MBD5: variants seen among roughly 807,000 people sequenced by gnomAD.
MBD5 encodes the protein methyl-CpG binding domain protein 5, also known as methyl-CpG-binding domain protein 5.
Under a neutral mutation model 117.3 loss-of-function variants are expected in MBD5, and 13 were observed. The ratio of observed to expected loss-of-function variants is 0.11; its 90% CI spans 0.07 to 0.18. The LOEUF is 0.18. MBD5 is among the 10% of genes least tolerant of loss of function. The pLI, the probability that MBD5 is intolerant of heterozygous loss-of-function variation, is 1.00. For synonymous variants in MBD5, 727 were observed against 766.4 expected (o/e 0.95, Z 0.85); for missense variants, 1,879 against 2,093.8 (o/e 0.90, Z 2.00).
chr2:148,090,092 T>C (rs1367912739), intron 1 of MBD5, among the ~76,000 whole-genome samples: 1 of 151,938 alleles, frequency 6.6e-6, no homozygotes, highest in Non-Finnish European at 1.5e-5. Flanking sequence ...CTGAAGGAGA[T>C]GGATAAATTC....
intron 1 of MBD5, among the ~76,000 whole-genome samples, chr2:148,068,973 TG>T (rs1417863056): frequency 6.6e-6 from 1 of 152,354 alleles, no homozygotes; most frequent in East Asian, 1.9e-4. Context: ...TTTTAATAAT[TG>T]AAAAACACTT....
intron 3 of MBD5, among the ~76,000 whole-genome samples, chr2:148,291,198 C>T (rs1044424999): frequency 6.6e-6 from 1 of 152,132 alleles, no homozygotes; most frequent in Non-Finnish European, 1.5e-5. Flanking sequence ...CTATCAATTT[C>T]CATGTGAATT....
At position 148,069,430 on chromosome 2, in the gene MBD5, GT is replaced by G. The variant is rs909568960; in HGVS notation, c.-925+47755del. ...CAATCCACTATTGTTGGCATTCATA[GT>G]TTTTTTTTAATGATAGGAATCTCTC... On this transcript the variant is annotated intron_variant, in intron 1 of 13. Coordinates refer to ENST00000642680, the MANE Select transcript of MBD5 (RefSeq NM_001378120.1). Among the ~76,000 whole-genome samples the G allele has an allele frequency of 8.7e-5, 13 of 150,088 alleles. No individual in the cohort carries two copies. The East Asian group carries it at 1.2e-3, about 14-fold the overall frequency.
chr2:148,044,041 G>A (rs982450222), intron 1 of MBD5, among the ~76,000 whole-genome samples: 2 of 152,156 alleles, frequency 1.3e-5, no homozygotes, highest in African/African-American at 2.4e-5. Flanking sequence ...TTTAACTTCA[G>A]ATGTACGTAG....
At chr2:148,252,339 A>G (rs1438161220) in intron 3 of MBD5, among the ~76,000 whole-genome samples, 2 of 152,122 alleles carry the variant, frequency 1.3e-5, no homozygotes, top group Admixed American at 6.5e-5. Flanking sequence ...GTGCACCTGT[A>G]GTCCCAGCTA....
Position 148,083,121 on chromosome 2 carries a change from T to C in MBD5, c.-925+61437T>C, listed in dbSNP as rs866867949. Among the ~76,000 whole-genome samples, 4 of 152,338 alleles carry C rather than the reference T, an allele frequency of 2.6e-5. No individual in the cohort carries two copies. In the South Asian group the frequency reaches 8.3e-4, roughly 32 times the overall value. On this transcript the variant is annotated intron_variant, in intron 1 of 13. Transcript: ENST00000642680. ...CCAGTTTTCATCACTAGTAAAAGGA[T>C]TCAAAAGCTGAATGTCTAAAACCTG...
At chr2:148,315,302 A>G (rs534653787) in intron 3 of MBD5, among the ~76,000 whole-genome samples, 67 of 152,328 alleles carry the variant, frequency 4.4e-4, no homozygotes, top group African/African-American at 1.5e-3. Flanking sequence ...CAAAGGTAGC[A>G]TAGCTGAAAG....
At chr2:148,419,723 C>T (rs2105251925) in intron 4 of MBD5, among the ~76,000 whole-genome samples, 1 of 152,134 alleles carries the variant, frequency 6.6e-6, no homozygotes, top group African/African-American at 2.4e-5. Flanking sequence ...TATATCCAGC[C>T]ACCCTCTACC....
chr2:148,162,339 A>G (rs757277450), intron 1 of MBD5, among the ~76,000 whole-genome samples: 17 of 151,784 alleles, frequency 1.1e-4, no homozygotes, highest in Non-Finnish European at 2.9e-5. Flanking sequence ...ACTTATCTTC[A>G]CTCATTCATT....
intron 3 of MBD5, among the ~76,000 whole-genome samples, chr2:148,301,513 G>C (rs919163671): frequency 6.6e-6 from 1 of 152,196 alleles, no homozygotes; most frequent in Non-Finnish European, 1.5e-5. Context: ...AAAAGCTTTA[G>C]AGCAGGAAGG....
rs56767489 is a variant in MBD5, at chr2:148,413,510, C to CTTT, written c.-556-44681_-556-44679dup. 1.1e-3 allele frequency among the ~76,000 whole-genome samples: 155 copies of CTTT among 139,778 alleles called. 2 individuals are homozygous for CTTT. Among genetic ancestry groups the CTTT allele is most frequent in the Admixed American group, 2.4e-3 (34 of 14,024 alleles). The allele number at this position is 139,778 out of a possible 152,430, so 91.7% of individuals were successfully genotyped here. Reference sequence around the variant, plus strand: ...TAGGGAAGAGTCCCTCCTCCCCCACCTTTTTTTTTTTTTTGGAGTAATTTC... The same window carrying CTTT: ...TAGGGAAGAGTCCCTCCTCCCCCACCTTTTTTTTTTTTTTTTTGGAGTAATTTC... On this transcript the variant is annotated intron_variant, in intron 4 of 13. Coordinates refer to ENST00000642680, the MANE Select transcript of MBD5 (RefSeq NM_001378120.1).
chr2:148,417,260 C>T (rs1391456321), intron 4 of MBD5, among the ~76,000 whole-genome samples: 5 of 146,690 alleles, frequency 3.4e-5, no homozygotes, highest in African/African-American at 1.3e-4. Context: ...GTATCTGGGT[C>T]TACAGACATG....
chr2:148,022,520 A>C (rs1214199598), intron 1 of MBD5, among the ~76,000 whole-genome samples: 2 of 152,212 alleles, frequency 1.3e-5, no homozygotes, highest in African/African-American at 4.8e-5. Context: ...TAATCTTTGT[A>C]ACTTGTCTGA....
chr2:148,196,195 G>T (rs1353309985), intron 2 of MBD5: 1 of 152,018 alleles, frequency 6.6e-6, no homozygotes, highest in African/African-American at 2.4e-5. Flanking sequence ...ATTTTTTGGA[G>T]CAAGTCCTCC....
chr2:148,243,909 G>A (rs1700277206), intron 3 of MBD5: 1 of 151,818 alleles, frequency 6.6e-6, no homozygotes, highest in Admixed American at 6.6e-5. Context: ...TGATTCTATA[G>A]AAAAATCTGG....
chr2:148,126,465 G>A (rs2105439727), intron 1 of MBD5, among the ~76,000 whole-genome samples: 1 of 151,652 alleles, frequency 6.6e-6, no homozygotes, highest in East Asian at 1.9e-4. Context: ...AAAGATTTTG[G>A]ATGAGGAAAT....
At chr2:148,424,177 CAAAAAAAAAAAA>C (rs56740583) in intron 4 of MBD5, among the ~76,000 whole-genome samples, 8 of 53,458 alleles carry the variant, frequency 1.5e-4, no homozygotes, top group Non-Finnish European at 2.1e-4. Flanking sequence ...GACTCTGTCT[CAAAAAAAAAAAA>C]AAAAAAAAAA....
chr2:148,172,501 G>A (rs1207366778), intron 1 of MBD5, among the ~76,000 whole-genome samples: 1 of 152,188 alleles, frequency 6.6e-6, no homozygotes, highest in Non-Finnish European at 1.5e-5. Flanking sequence ...GCTGGGGCAG[G>A]CCTGTTGGCT....
At chr2:148,445,343 G>A (rs1706461978) in intron 4 of MBD5, among the ~76,000 whole-genome samples, 1 of 150,142 alleles carries the variant, frequency 6.7e-6, no homozygotes, top group Non-Finnish European at 1.5e-5. Context: ...GTGTCCAAAT[G>A]TTCTCATTGT....
Sources: gnomAD v4.1 joint callset for allele counts (sites outside exome capture counted in the v4.1 genomes callset) on GRCh38, gnomAD v4.1.1 for gene constraint, MANE v1.5 for transcripts, NCBI Gene and HGNC (gene_info 2026-07-23, HGNC 2026-07-21) for gene names.